Variants in EFEMP1 observed in about 807,000 individuals in gnomAD.
The protein encoded by EFEMP1 is EGF-containing fibulin-like extracellular matrix protein 1.
Under a neutral mutation model 65.7 loss-of-function variants are expected in EFEMP1, and 18 were observed. The ratio of observed to expected loss-of-function variants is 0.27; its 90% CI spans 0.19 to 0.41. EFEMP1 has a LOEUF of 0.41. Ranked by LOEUF, EFEMP1 falls within the 10% of genes least tolerant of loss-of-function variation. EFEMP1 has a pLI of 1.00. For synonymous variants in EFEMP1, 237 were observed against 219.7 expected, an observed-to-expected ratio of 1.08 and a Z score of -0.70; for missense variants, 469 against 624.8, an observed-to-expected ratio of 0.75 and a Z score of 2.66.
At chr2:55,879,072 A>G (rs1180016696) in intron 6 of EFEMP1, among the ~76,000 whole-genome samples, 1 of 152,028 alleles carries the variant, frequency 6.6e-6, no homozygotes, top group South Asian at 2.1e-4. Flanking sequence ...TGCCCTATCT[A>G]TTCCCTTACC....
At chr2:55,875,160 AATTAT>A (rs1668979663) in intron 8 of EFEMP1, 95 bp from the exon 9 acceptor site, 1 of 493,796 alleles carries the variant, frequency 2.0e-6, no homozygotes, top group East Asian at 9.5e-5. Context: ...TATATATATA[AATTAT>A]AAGATTTAAA....
Position 55,885,094 on chromosome 2 carries a change from A to C in EFEMP1, c.518-3360T>G, listed in dbSNP as rs940025420. ...ATCAGTAAGATGTTAGTAAAAGAAA[A>C]ATGATGTTGAGCAAGTGAGTCCAGG... On this transcript the variant is annotated intron_variant, in intron 5 of 11. Transcript: ENST00000355426. This position sits in a 1 kb window ranked among gnomAD's most constrained non-coding sequence, Gnocchi z 4.3. Among the ~76,000 whole-genome samples, 1 of 152,192 alleles carries C rather than the reference A, an allele frequency of 6.6e-6. No individual in the cohort carries two copies. The highest frequency in any genetic ancestry group is 2.1e-4 in the South Asian group (1 of 4,828).
intron 8 of EFEMP1, among the ~76,000 whole-genome samples, chr2:55,875,335 T>TACACACACACACACACACAC (rs768780443): frequency 1.6e-5 from 2 of 125,398 alleles, no homozygotes; most frequent in African/African-American, 3.2e-5. Flanking sequence ...GTTTCATATA[T>TACACACACACACACACACAC]ACACACACAC....
chr2:55,880,169 A>G (rs1669187526), intron 6 of EFEMP1, among the ~76,000 whole-genome samples: 1 of 152,132 alleles, frequency 6.6e-6, no homozygotes, highest in Non-Finnish European at 1.5e-5. Flanking sequence ...AGAACTGGAC[A>G]ATGATCAGAT....
At chr2:55,879,070 C>G (rs761115675) in intron 6 of EFEMP1, among the ~76,000 whole-genome samples, 1 of 152,170 alleles carries the variant, frequency 6.6e-6, no homozygotes, top group Non-Finnish European at 1.5e-5. Flanking sequence ...TCTGCCCTAT[C>G]TATTCCCTTA....
chr2:55,890,644 A>T (rs943203053), intron 5 of EFEMP1, among the ~76,000 whole-genome samples: 6 of 152,120 alleles, frequency 3.9e-5, no homozygotes, highest in Non-Finnish European at 8.8e-5. Flanking sequence ...AACAACAACA[A>T]CAAAACTAGA....
Position 55,918,031 on chromosome 2 carries a change from C to T in EFEMP1, c.151G>A (p.Val51Ile). The change falls in exon 5 of 12, where the codon GTC (valine) becomes ATC (isoleucine). Residue 51 changes from valine (V) to isoleucine (I), a missense_variant. This residue lies in a region of EFEMP1 where 66 missense variants were observed against 73.0 expected (regional missense o/e 0.90). Coordinates refer to ENST00000355426, the MANE Select transcript of EFEMP1 (RefSeq NM_001039348.3). ...QCKDIDECDIVPDACKGGMKC... is the reference protein window; with the variant it reads ...QCKDIDECDIIPDACKGGMKC... ...ATTCCACCTTTACAAGCGTCTGGGA[C>T]AATGTCACATTCATCAATATCTGTG... The T allele has an allele frequency of 3.1e-6, 5 of 1,614,198 alleles. No individual in the cohort carries two copies. The highest frequency in any genetic ancestry group is 4.2e-6 in the Non-Finnish European group (5 of 1,180,044).
intron 5 of EFEMP1, among the ~76,000 whole-genome samples, chr2:55,889,064 C>T (rs1669538626): frequency 7.5e-6 from 1 of 134,070 alleles, no homozygotes; most frequent in African/African-American, 2.6e-5. Context: ...TGATTTGATT[C>T]TTGGCCTCCC....
intron 5 of EFEMP1, among the ~76,000 whole-genome samples, chr2:55,897,806 T>C (rs1669885174): frequency 6.6e-6 from 1 of 152,212 alleles, no homozygotes. Context: ...GAAAACTTGT[T>C]GCTTTCCTCT....
In EFEMP1 at chr2:55,874,965, C is replaced by T. The variant is rs770999988; in HGVS notation, c.981G>A (p.Val327=). The change falls in exon 9 of 12, where the codon GTG becomes GTA. Residue 327 remains valine (V), a synonymous_variant. Transcript: ENST00000355426. ...ACTTACCTTGACATGTTCTACTTCT[C>T]ACCACTTGGTATCCCTGGGGGCACA... ...SCMCPQGYQV[V]RSRTCQDINE... 41 of 1,605,732 alleles carry T rather than the reference C, an allele frequency of 2.6e-5. No homozygotes were observed. The highest frequency in any genetic ancestry group is 3.1e-5 in the Non-Finnish European group (37 of 1,175,016).
At position 55,917,806 on chromosome 2, in the gene EFEMP1, C is replaced by T. The variant is rs373554215; in HGVS notation, c.376G>A (p.Ala126Thr). ...GGFVASAAAV[A>T]GPEMQTGRNN... ...CGGCCAGTCTGCATTTCAGGGCCTG[C>T]GACTGCAGCAGCACTGGCCACAAAA... Residue 126 changes from alanine (A) to threonine (T), a missense_variant, in exon 5 of 12, where the codon GCA (alanine) becomes ACA (threonine). By Grantham distance (58) the Ala-to-Thr change is moderately conservative (BLOSUM62 0). This residue lies in a region of EFEMP1 where 399 missense variants were observed against 528.2 expected (regional missense o/e 0.76). Transcript: ENST00000355426. This position sits in a 1 kb window ranked among gnomAD's most constrained non-coding sequence, Gnocchi z 6.3. The T allele has an allele frequency of 1.7e-5, 27 of 1,614,086 alleles. No homozygotes were observed. The highest frequency in any genetic ancestry group is 1.9e-5 in the Non-Finnish European group (22 of 1,180,054).
At chr2:55,874,841 T>A (rs72807770) in intron 9 of EFEMP1, 105 bp downstream of exon 9, 30,514 of 1,266,916 alleles carry the variant, frequency 0.024, 900 homozygotes, top group South Asian at 0.12. Context: ...AATTGTATAT[T>A]GAAAGTGGGA....
chr2:55,898,130 A>G (rs1669897737), intron 5 of EFEMP1, among the ~76,000 whole-genome samples: 1 of 152,342 alleles, frequency 6.6e-6, no homozygotes. Flanking sequence ...TGTGAGCATG[A>G]GGCAGAGAGG....
At chr2:55,882,779 C>T (rs1669291023) in intron 5 of EFEMP1, among the ~76,000 whole-genome samples, 1 of 152,054 alleles carries the variant, frequency 6.6e-6, no homozygotes, top group South Asian at 2.1e-4. Context: ...AACCAAAATA[C>T]TACCCTGGGT....
rs1473890022 is a variant in EFEMP1 at position 55,867,193 on chromosome 2, T to C, written c.1362A>G (p.Ser454=). ...CGATATGTTCTCTTGGTCCTGATAA[T>C]GACTTCACGAGCACAAGCATTGCAC... ...PVSAMLVLVK[S]LSGPREHIVD... The change falls in exon 12 of 12, where the codon TCA becomes TCG. Residue 454 remains serine (S), a synonymous_variant. Coordinates refer to ENST00000355426, the MANE Select transcript of EFEMP1 (RefSeq NM_001039348.3). This position sits in a 1 kb window ranked among gnomAD's most constrained non-coding sequence, Gnocchi z 4.3. The C allele has an allele frequency of 6.2e-7, 1 of 1,614,016 alleles. No homozygotes were observed. Among genetic ancestry groups the C allele is most frequent in the Non-Finnish European group, 8.5e-7 (1 of 1,179,940 alleles).
intron 5 of EFEMP1, among the ~76,000 whole-genome samples, chr2:55,892,928 G>A (rs908541605): frequency 6.6e-6 from 1 of 152,088 alleles, no homozygotes; most frequent in Non-Finnish European, 1.5e-5. Context: ...CATATTCCAA[G>A]TTTTCATTTT....
intron 5 of EFEMP1, among the ~76,000 whole-genome samples, chr2:55,912,902 A>G (rs1307771263): frequency 5.3e-5 from 8 of 152,134 alleles, no homozygotes. Context: ...TATGACACAT[A>G]TGACACATAA....
At chr2:55,876,788 A>ATG (rs1276046939) in intron 7 of EFEMP1, 46 bp from the exon 8 acceptor site, 5 of 1,168,004 alleles carry the variant, frequency 4.3e-6, no homozygotes, top group Non-Finnish European at 5.9e-6. Flanking sequence ...GTATATATAT[A>ATG]CACACACATA....
chr2:55,905,226 G>T (rs536402024), intron 5 of EFEMP1, among the ~76,000 whole-genome samples: 2 of 151,846 alleles, frequency 1.3e-5, no homozygotes, highest in Non-Finnish European at 2.9e-5. Flanking sequence ...TTGAAGCTAT[G>T]GAGAAAATGA....
Sources: gnomAD v4.1 joint callset for allele counts (sites outside exome capture counted in the v4.1 genomes callset) on GRCh38, gnomAD v4.1.1 for gene constraint, gnomAD v4.1.1 regional missense constraint, Gnocchi (gnomAD v3.1) non-coding constraint, MANE v1.5 for transcripts, NCBI Gene and HGNC (gene_info 2026-07-23, HGNC 2026-07-21) for gene names.